The following SLC9A3 variants were observed in gnomAD, a reference collection of about 807,000 sequenced individuals.
The protein encoded by SLC9A3 is sodium/hydrogen exchanger 3.
In SLC9A3, 37 loss-of-function variants were observed where a neutral mutation model predicts 86.8. The observed-to-expected ratio is 0.43, with a 90% CI of 0.33 to 0.56. The LOEUF is 0.56. Ranked by LOEUF, SLC9A3 falls within the 20% of genes least tolerant of loss-of-function variation. The pLI, the probability that SLC9A3 is intolerant of heterozygous loss-of-function variation, is 0.06. For synonymous variants in SLC9A3, 581 were observed against 528.3 expected (o/e 1.10, Z -1.37); for missense variants, 1,011 against 1,171.9 (o/e 0.86, Z 2.00).
chr5:475,214 G>A, intron 15 of SLC9A3, 82 bp from the exon 16 acceptor site: 1 of 1,437,794 alleles, frequency 7.0e-7, no homozygotes. Context: ...GTCACCTGCT[G>A]GGTGCCTTGG....
chr5:507,166 C>CTTTTTTTTTT lies in SLC9A3; in HGVS notation c.212-15105_212-15096dup, dbSNP rs778066069. On this transcript the variant is annotated intron_variant, in intron 1 of 16. Coordinates refer to ENST00000264938, the MANE Select transcript of SLC9A3 (RefSeq NM_004174.4). Reference sequence around the variant, plus strand: ...AGAAGGAGGGATCCGGCTGCTGCTTCTTTTTTTTTTTTTTTTTTTTGAGAC... The same window carrying CTTTTTTTTTT: ...AGAAGGAGGGATCCGGCTGCTGCTTCTTTTTTTTTTTTTTTTTTTTTTTTTTTTTTGAGAC... Among the ~76,000 whole-genome samples the CTTTTTTTTTT allele has an allele frequency of 9.0e-3, 276 of 30,634 alleles. 111 individuals are homozygous for CTTTTTTTTTT. In the Middle Eastern group the frequency reaches 0.1, roughly 11 times the overall value. The allele number at this position is 30,634 out of a possible 152,430, so 20.1% of individuals were successfully genotyped here.
At chr5:482,043 C>A (rs760397149) in intron 8 of SLC9A3, 25 bp downstream of exon 8, 40 of 588,134 alleles carry the variant, frequency 6.8e-5, no homozygotes, top group Non-Finnish European at 1.1e-4. Context: ...AGTGCCCCCC[C>A]CCCGCCCCCC....
At chr5:510,435 T>A (rs527810698) in intron 1 of SLC9A3, among the ~76,000 whole-genome samples, 46 of 152,182 alleles carry the variant, frequency 3.0e-4, no homozygotes, top group Non-Finnish European at 2.9e-4. Flanking sequence ...GGTGGAGACC[T>A]CACTGGGCTT....
At chr5:508,913 A>C (rs1389748996) in intron 1 of SLC9A3, among the ~76,000 whole-genome samples, 1 of 151,678 alleles carries the variant, frequency 6.6e-6, no homozygotes, top group Non-Finnish European at 1.5e-5. Context: ...GTTCCAGACC[A>C]GCCTGGGCAT....
chr5:516,553 C>A (rs1298375859), intron 1 of SLC9A3, among the ~76,000 whole-genome samples: 2 of 152,224 alleles, frequency 1.3e-5, no homozygotes, highest in Non-Finnish European at 2.9e-5. Context: ...CGAGGTCTGG[C>A]AACATCAGGA....
Position 472,149 on chromosome 5 carries a change from G to A in SLC9A3, c.*1230C>T. On this transcript the variant is annotated 3_prime_UTR_variant, in exon 17 of 17. Transcript: ENST00000264938. ...GAGCACCCTCCCCGGCTCAGCACCC[G>A]CGGCCTCCGCCCACTCAATGGACTG... The A allele has an allele frequency of 2.6e-6, 1 of 382,400 alleles. No homozygotes were observed. Among genetic ancestry groups the A allele is most frequent in the South Asian group, 1.9e-5 (1 of 51,354 alleles). 23.7% of individuals were successfully genotyped at this position (382,400 alleles called of 1,614,324 possible).
At chr5:500,222 G>C (rs1478224377) in intron 1 of SLC9A3, among the ~76,000 whole-genome samples, 1 of 152,258 alleles carries the variant, frequency 6.6e-6, no homozygotes, top group Non-Finnish European at 1.5e-5. Context: ...ACCCTCCCGA[G>C]ACGCACTATG....
At chr5:473,988 C>T (rs1178666109) in intron 16 of SLC9A3, among the ~76,000 whole-genome samples, 5 of 152,364 alleles carry the variant, frequency 3.3e-5, no homozygotes, top group South Asian at 2.1e-4. Context: ...CCCTAGTGCC[C>T]TCAGCTCCGT....
In SLC9A3 at chr5:473,205, G is replaced by C. The variant is rs1248918366; in HGVS notation, c.*174C>G. 7.3e-6 allele frequency: 5 copies of C among 687,362 alleles called. No homozygotes were observed. Among genetic ancestry groups the C allele is most frequent in the Non-Finnish European group, 1.0e-5 (5 of 496,884 alleles). The allele number at this position is 687,362 out of a possible 1,614,324, so 42.6% of individuals were successfully genotyped here. A position where few individuals can be genotyped will look rare whatever the true frequency, so the allele number is the denominator to read the frequency against. ...GCCCTCGGGCGGCTCTGCGGGCGCA[G>C]GCGCGGCACTCTCGGAGTTCTGCGC... On this transcript the variant is annotated 3_prime_UTR_variant, in exon 17 of 17. Coordinates refer to ENST00000264938, the MANE Select transcript of SLC9A3 (RefSeq NM_004174.4).
intron 1 of SLC9A3, among the ~76,000 whole-genome samples, chr5:504,682 G>A (rs867604350): frequency 1.3e-5 from 2 of 152,312 alleles, no homozygotes; most frequent in Middle Eastern, 3.4e-3. Context: ...GGGGCCATGG[G>A]CACCGGGACC....
chr5:475,415 CAG>C, intron 15 of SLC9A3, 144 bp downstream of exon 15: 1 of 629,406 alleles, frequency 1.6e-6, no homozygotes, highest in South Asian at 1.9e-5. Context: ...AGGGGGCACT[CAG>C]TGGGTGCCAA....
At position 491,600 on chromosome 5, in the gene SLC9A3, G is replaced by A. The variant is rs778545990; in HGVS notation, c.514+169C>T. Among the ~76,000 whole-genome samples the A allele has an allele frequency of 6.6e-6, 1 of 152,108 alleles. No individual in the cohort carries two copies. Among genetic ancestry groups the A allele is most frequent in the Non-Finnish European group, 1.5e-5 (1 of 68,024 alleles). ...GTGCTGGGACCTGGGGACGCGCAGG[G>A]GACTGGCCTTGGTCACGAGGGCCTA... is the stretch of plus-strand genomic sequence containing the variant. On this transcript the variant is annotated intron_variant, in intron 2 of 16. Coordinates refer to ENST00000264938, the MANE Select transcript of SLC9A3 (RefSeq NM_004174.4). This position sits in a 1 kb window ranked among gnomAD's most constrained non-coding sequence, Gnocchi z 9.2.
chr5:473,271 C>CGCTGTA lies in SLC9A3; in HGVS notation c.*102_*107dup. ...CGAGGCGGGGCTCGGGGCTCGCGGTCGCTGTAGCCGCGCGGGGATCTGGGG... is the reference window on the plus strand; with the variant it reads ...CGAGGCGGGGCTCGGGGCTCGCGGTCGCTGTAGCTGTAGCCGCGCGGGGATCTGGGG... On this transcript the variant is annotated 3_prime_UTR_variant, in exon 17 of 17. Coordinates refer to ENST00000264938, the MANE Select transcript of SLC9A3 (RefSeq NM_004174.4). The CGCTGTA allele has an allele frequency of 8.5e-7, 1 of 1,177,072 alleles. No individual in the cohort carries two copies. The highest frequency in any genetic ancestry group is 1.1e-6 in the Non-Finnish European group (1 of 928,986). 72.9% of individuals were successfully genotyped at this position (1,177,072 alleles called of 1,614,324 possible).
intron 11 of SLC9A3, 95 bp downstream of exon 11, chr5:477,236 AC>A (rs1274534924): frequency 9.9e-6 from 8 of 810,938 alleles, no homozygotes; most frequent in Non-Finnish European, 1.6e-5. Context: ...CTTCCATGCC[AC>A]CCCCAGGCCA....
At chr5:499,437 C>T (rs73042941) in intron 1 of SLC9A3, among the ~76,000 whole-genome samples, 29,838 of 152,238 alleles carry the variant, frequency 0.2, 4,330 homozygotes, top group African/African-American at 0.38. Flanking sequence ...GGGCATCTGC[C>T]GGCACCAACC....
At chr5:492,682 G>A (rs534545993) in intron 1 of SLC9A3, among the ~76,000 whole-genome samples, 8 of 152,064 alleles carry the variant, frequency 5.3e-5, no homozygotes, top group Admixed American at 2.0e-4. Flanking sequence ...CTGACCTGCC[G>A]CCCCACCGCC....
At chr5:476,808 G>GCC in intron 11 of SLC9A3, 136 bp from the exon 12 acceptor site, 1 of 1,059,920 alleles carries the variant, frequency 9.4e-7, no homozygotes, top group Non-Finnish European at 1.4e-6. Flanking sequence ...TGGGCACCCG[G>GCC]CTGGGGCACG....
chr5:477,735 C>G, intron 10 of SLC9A3: 1 of 359,590 alleles, frequency 2.8e-6, no homozygotes, highest in Non-Finnish European at 5.1e-6. Context: ...GTAAAGCTGC[C>G]TGGGACTTGG....
Position 471,663 on chromosome 5 carries a change from G to C in SLC9A3, c.*1716C>G. On this transcript the variant is annotated 3_prime_UTR_variant, in exon 17 of 17. Coordinates refer to ENST00000264938, the MANE Select transcript of SLC9A3 (RefSeq NM_004174.4). ...GCTGCATAGAGGATGGCTGCATTTT[G>C]TGCTCAGAGTTGGTTGAAATGGCTA... 1 of 415,516 alleles carries C rather than the reference G, an allele frequency of 2.4e-6. No individual in the cohort carries two copies. The highest frequency in any genetic ancestry group is 1.7e-5 in the South Asian group (1 of 58,022). The allele number at this position is 415,516 out of a possible 1,614,324, so 25.7% of individuals were successfully genotyped here.
Sources: allele counts gnomAD v4.1 joint callset (sites outside exome capture counted in the v4.1 genomes callset), GRCh38; gene constraint gnomAD v4.1.1; non-coding constraint Gnocchi (gnomAD v3.1); transcripts MANE v1.5; gene names NCBI Gene and HGNC (gene_info 2026-07-23, HGNC 2026-07-21).